MYL4: variants seen among roughly 807,000 people sequenced by gnomAD.
MYL4 encodes the protein atrial myosin light chain 1.
A neutral mutation model predicts 21.6 loss-of-function variants in MYL4; 16 were observed. The observed-to-expected ratio is 0.74, with a 90% CI of 0.50 to 1.12. The LOEUF is 1.12. Ranked by LOEUF, MYL4 falls within the 50% of genes most tolerant of loss-of-function variation. The pLI is 0.00. For missense variants in MYL4, 249 were observed against 252.9 expected, an observed-to-expected ratio of 0.98 and a Z score of 0.11; for synonymous variants, 82 against 95.7, an observed-to-expected ratio of 0.86 and a Z score of 0.83.
At chr17:47,206,668 G>A (rs1208096592), upstream of MYL4, among the ~76,000 whole-genome samples, 2 of 152,128 alleles carry the variant, frequency 1.3e-5, no homozygotes, top group Non-Finnish European at 2.9e-5. Flanking sequence ...ACCCTATAAA[G>A]CAAGATAGCA....
chr17:47,220,076 C>T, intron 3 of MYL4, 23 bp downstream of exon 3: 5 of 1,593,968 alleles, frequency 3.1e-6, no homozygotes, highest in Non-Finnish European at 3.4e-6. Context: ...GCATGGCAGA[C>T]CTCTCCCAGG....
At chr17:47,216,310 T>C (rs1807653887) in intron 2 of MYL4, among the ~76,000 whole-genome samples, 2 of 122,880 alleles carry the variant, frequency 1.6e-5, no homozygotes, top group African/African-American at 5.7e-5. Context: ...ACACTGGCTT[T>C]TTTTTTTTTT....
upstream of MYL4, among the ~76,000 whole-genome samples, chr17:47,204,786 G>C (rs2064721652): frequency 6.6e-6 from 1 of 151,902 alleles, no homozygotes; most frequent in African/African-American, 2.4e-5. Flanking sequence ...CAGGCAGTCT[G>C]ATTCATGAGT....
the MYL4 span, among the ~76,000 whole-genome samples, chr17:47,194,063 G>A: frequency 2.0e-4 from 30 of 152,266 alleles, no homozygotes; most frequent in African/African-American, 7.2e-4. Flanking sequence ...ATCCATTCTT[G>A]TGGCCCCAGT....
intron 2 of MYL4, among the ~76,000 whole-genome samples, chr17:47,218,481 G>C (rs1443177201): frequency 6.6e-6 from 1 of 152,098 alleles, no homozygotes; most frequent in Non-Finnish European, 1.5e-5. Flanking sequence ...TGAATTGGTT[G>C]AATCCCAATC....
chr17:47,206,821 C>T (rs916531502), upstream of MYL4, among the ~76,000 whole-genome samples: 6 of 152,212 alleles, frequency 3.9e-5, no homozygotes, highest in African/African-American at 7.2e-5. Context: ...AGCTTCTATC[C>T]TGCAGCTCTT....
chr17:47,212,339 T>C (rs531815931), intron 1 of MYL4, among the ~76,000 whole-genome samples: 20 of 152,382 alleles, frequency 1.3e-4, no homozygotes. Flanking sequence ...TAAAATGTAT[T>C]ACTTCATTCA....
intron 2 of MYL4, among the ~76,000 whole-genome samples, chr17:47,216,323 T>C (rs1320952405): frequency 1.5e-5 from 2 of 134,354 alleles, no homozygotes; most frequent in Admixed American, 7.4e-5. Context: ...TTTTTTTTTT[T>C]CTAGTTGTAG....
chr17:47,189,947 TGATAA>T, the MYL4 span, among the ~76,000 whole-genome samples: 46 of 150,868 alleles, frequency 3.0e-4, no homozygotes, highest in African/African-American at 7.9e-4. Flanking sequence ...AGGGCAATTG[TGATAA>T]GATAAGGAAA....
chr17:47,200,272 A>C (rs1438079095), upstream of MYL4, among the ~76,000 whole-genome samples: 1 of 151,836 alleles, frequency 6.6e-6, no homozygotes, highest in Non-Finnish European at 1.5e-5. Context: ...CTTTAGCATT[A>C]AAAATATATC....
intron 1 of MYL4, among the ~76,000 whole-genome samples, chr17:47,212,131 G>A (rs761084614): frequency 5.9e-5 from 9 of 151,914 alleles, no homozygotes; most frequent in African/African-American, 2.2e-4. Context: ...CAGAAGAATC[G>A]CTTGAACTTG....
chr17:47,192,425 A>G, the MYL4 span, among the ~76,000 whole-genome samples: 3 of 151,880 alleles, frequency 2.0e-5, no homozygotes, highest in African/African-American at 7.3e-5. Context: ...CAAGGCGGGC[A>G]GATCACAAGG....
upstream of MYL4, among the ~76,000 whole-genome samples, chr17:47,200,104 G>A (rs2064704305): frequency 6.7e-6 from 1 of 148,720 alleles, no homozygotes; most frequent in Admixed American, 6.8e-5. Flanking sequence ...AGAGTTGGTG[G>A]CAGAATTTTG....
At chr17:47,222,264 C>G in intron 4 of MYL4, 116 bp from the exon 5 acceptor site, 1 of 1,028,790 alleles carries the variant, frequency 9.7e-7, no homozygotes, top group South Asian at 1.3e-5. Flanking sequence ...TGGTTTGAAC[C>G]ACCTCCCAGA....
chr17:47,210,991 T>C (rs557903261), intron 1 of MYL4, among the ~76,000 whole-genome samples: 1 of 152,192 alleles, frequency 6.6e-6, no homozygotes, highest in Non-Finnish European at 1.5e-5. Flanking sequence ...GTCCCTGGTG[T>C]CTGGGCAACA....
chr17:47,208,635 T>G (rs1447571751), upstream of MYL4, among the ~76,000 whole-genome samples: 1 of 151,790 alleles, frequency 6.6e-6, no homozygotes, highest in Non-Finnish European at 1.5e-5. Context: ...AACCCCAAGT[T>G]TTCTGACCCT....
chr17:47,209,200 C>T, upstream of MYL4: 1 of 669,274 alleles, frequency 1.5e-6, no homozygotes, highest in East Asian at 2.5e-5. Flanking sequence ...CTGGTGGCCC[C>T]AAACCTGGTG....
At chr17:47,219,648 A>C (rs1233282106) in intron 2 of MYL4, among the ~76,000 whole-genome samples, 1 of 152,148 alleles carries the variant, frequency 6.6e-6, no homozygotes, top group Non-Finnish European at 1.5e-5. Context: ...CTGGAATTTT[A>C]TAACAACGAA....
downstream of MYL4, among the ~76,000 whole-genome samples, chr17:47,224,733 CT>C (rs2064878931): frequency 6.6e-6 from 1 of 152,112 alleles, no homozygotes; most frequent in Admixed American, 6.6e-5. Flanking sequence ...TTGGTCCTCG[CT>C]TTTTTAGGTG....
Sources: allele counts gnomAD v4.1 joint callset (sites outside exome capture counted in the v4.1 genomes callset), GRCh38; gene constraint gnomAD v4.1.1; transcripts MANE v1.5; gene names NCBI Gene and HGNC (gene_info 2026-07-23, HGNC 2026-07-21).